Variants in PHLDB3 observed in about 807,000 individuals in gnomAD.
The protein encoded by PHLDB3 is pleckstrin homology like domain family B member 3, also known as pleckstrin homology-like domain family B member 3.
A neutral mutation model predicts 85.7 loss-of-function variants in PHLDB3; 86 were observed. That is an observed-to-expected ratio of 1.00 (90% CI 0.84 to 1.20). PHLDB3 has a LOEUF of 1.20. Ranked by LOEUF, PHLDB3 falls within the 50% of genes most tolerant of loss-of-function variation. The pLI, the probability that PHLDB3 is intolerant of heterozygous loss-of-function variation, is 0.00. For missense variants in PHLDB3, 995 were observed against 873.0 expected, an observed-to-expected ratio of 1.14 and a Z score of -1.76; for synonymous variants, 376 against 349.8, an observed-to-expected ratio of 1.07 and a Z score of -0.83.
intron 1 of PHLDB3, 53 bp from the exon 2 acceptor site, chr19:43,504,185 G>T: frequency 6.8e-7 from 1 of 1,466,490 alleles, no homozygotes; most frequent in Non-Finnish European, 9.1e-7. Flanking sequence ...GGACGGCTGA[G>T]CGCCGCTCGC....
intron 4 of PHLDB3, among the ~76,000 whole-genome samples, chr19:43,500,247 A>G (rs567998159): frequency 5.3e-5 from 8 of 152,220 alleles, no homozygotes; most frequent in African/African-American, 1.9e-4. Flanking sequence ...CTCGCAAAAA[A>G]AAAGAGACTA....
intron 13 of PHLDB3, 80 bp downstream of exon 13, chr19:43,486,186 G>A: frequency 6.8e-7 from 1 of 1,470,542 alleles, no homozygotes; most frequent in Non-Finnish European, 9.0e-7. Flanking sequence ...AGAGGAAAGG[G>A]TCAGATGTAA....
At position 43,476,339 on chromosome 19, in the gene PHLDB3, T is replaced by C. The variant is rs369694195; in HGVS notation, c.1789-795A>G. ...ATGGAATGGGTTGATGCGTACCCAT[T>C]CTACACGTGAGAAAACTCAGGCCGG... On this transcript the variant is annotated intron_variant, in intron 15 of 15. Transcript: ENST00000292140. Among the ~76,000 whole-genome samples, 20 of 152,190 alleles carry C rather than the reference T, an allele frequency of 1.3e-4. No homozygotes were observed. In the East Asian group the frequency reaches 3.5e-3, roughly 27 times the overall value.
chr19:43,499,086 G>A (rs1020938536), intron 4 of PHLDB3, among the ~76,000 whole-genome samples: 2 of 152,130 alleles, frequency 1.3e-5, no homozygotes, highest in Non-Finnish European at 2.9e-5. Flanking sequence ...GAGAGCAGCT[G>A]CCTCGGGAGT....
chr19:43,488,755 C>T (rs1971242652), intron 9 of PHLDB3, among the ~76,000 whole-genome samples: 1 of 151,812 alleles, frequency 6.6e-6, no homozygotes, highest in South Asian at 2.1e-4. Context: ...AAATGCCCAT[C>T]AGAAGGGGAC....
At chr19:43,484,860 ATTATTC>A (rs1971119696) in intron 13 of PHLDB3, among the ~76,000 whole-genome samples, 1 of 152,070 alleles carries the variant, frequency 6.6e-6, no homozygotes, top group Admixed American at 6.6e-5. Context: ...ATGCCCTAGA[ATTATTC>A]TTATAATTCT....
chr19:43,479,501 T>G lies in PHLDB3; in HGVS notation c.1578A>C (p.Pro526=), dbSNP rs1301052567. 5.3e-6 allele frequency: 7 copies of G among 1,321,178 alleles called. No individual in the cohort carries two copies. The highest frequency in any genetic ancestry group is 2.4e-5 in the Admixed American group (1 of 42,284). The allele number at this position is 1,321,178 out of a possible 1,614,324, so 81.8% of individuals were successfully genotyped here. The part of the protein sequence containing the change: ...EGWGHNPENC[P]HVQVSGCCCR... ...AGCAGCACCCAGACACCTGCACATGTGGGCAGTTTTCCGGGTTGTGGCCCC... is the reference window on the plus strand; with the variant it reads ...AGCAGCACCCAGACACCTGCACATGGGGGCAGTTTTCCGGGTTGTGGCCCC... The change falls in exon 14 of 16, where the codon CCA becomes CCC. Residue 526 remains proline (P), a synonymous_variant. Transcript: ENST00000292140.
rs769178235 is a variant in PHLDB3, at chr19:43,495,641, T to C, written c.826-21A>G. ...CCCCTCTGTCCCGGTTACTCATCTG[T>C]CACGGCCCCAGCCAGCTCTCCAGGC... On this transcript the variant is annotated intron_variant, in intron 6 of 15. Transcript: ENST00000292140. 1.9e-6 allele frequency: 3 copies of C among 1,598,954 alleles called. No homozygotes were observed. In the South Asian group the frequency reaches 3.4e-5, roughly 18 times the overall value.
Position 43,504,038 on chromosome 19 carries a change from G to A in PHLDB3, c.81C>T (p.Gly27=). Residue 27 remains glycine (G), a synonymous_variant, in exon 2 of 16, where the codon GGC becomes GGT. Transcript: ENST00000292140. ...PECDVEVQPQ[G]HPEESREQEA... is the part of the protein sequence containing the mutation. ...CCTGTTCCCGGGACTCCTCGGGATG[G>A]CCCTGGGGCTGGACCTCCACGTCGC... 3 of 1,613,832 alleles carry A rather than the reference G, an allele frequency of 1.9e-6. No individual in the cohort carries two copies. The South Asian group carries it at 3.3e-5, about 18-fold the overall frequency.
Position 43,502,093 on chromosome 19 carries a change from A to C in PHLDB3, c.396+8T>G. The C allele has an allele frequency of 6.4e-7, 1 of 1,565,256 alleles. No homozygotes were observed. On this transcript the variant is annotated splice_region_variant and intron_variant, in intron 3 of 15. Coordinates refer to ENST00000292140, the MANE Select transcript of PHLDB3 (RefSeq NM_198850.4). ...GGGCCAGGCTTCCCAAGGGGTCCGC[A>C]GCCTCACCTCGATCCTCAGCTCCTT... is the stretch of plus-strand genomic sequence containing the variant.
chr19:43,481,042 GT>G, intron 13 of PHLDB3, among the ~76,000 whole-genome samples: 1 of 152,276 alleles, frequency 6.6e-6, no homozygotes, highest in Non-Finnish European at 1.5e-5. Context: ...TGGGGATTTT[GT>G]TAAAATGTTA....
At chr19:43,487,948 G>C (rs542568556) in intron 9 of PHLDB3, among the ~76,000 whole-genome samples, 1 of 151,916 alleles carries the variant, frequency 6.6e-6, no homozygotes, top group Non-Finnish European at 1.5e-5. Flanking sequence ...GAGGTCAGGC[G>C]TTTGAGACCA....
At chr19:43,487,591 A>AAAAAAAAAAAAAAAAAAAAAAAAAAAACC (rs1167897767) in intron 9 of PHLDB3, among the ~76,000 whole-genome samples, 1 of 115,770 alleles carries the variant, frequency 8.6e-6, no homozygotes. Context: ...AAAAAAAAAA[A>AAAAAAAAAAAAAAAAAAAAAAAAAAAACC]ACACAGAAAA....
chr19:43,485,059 T>A (rs1971124081), intron 13 of PHLDB3, among the ~76,000 whole-genome samples: 1 of 151,786 alleles, frequency 6.6e-6, no homozygotes, highest in South Asian at 2.1e-4. Context: ...ACCTAGTACA[T>A]ACACAAATTA....
intron 2 of PHLDB3, among the ~76,000 whole-genome samples, chr19:43,503,553 C>T (rs1441545210): frequency 6.6e-6 from 1 of 152,106 alleles, no homozygotes; most frequent in Non-Finnish European, 1.5e-5. Flanking sequence ...AAGCAATCCT[C>T]CCCTCGGCCT....
rs764709583 is a variant in PHLDB3, at chr19:43,504,091, C to T, written c.28G>A (p.Gly10Arg). The T allele has an allele frequency of 8.1e-6, 13 of 1,608,930 alleles. No homozygotes were observed. The South Asian group carries it at 1.1e-4, about 14-fold the overall frequency. ...TCCGGGACCAGCGGCGGCGGGGTCCCCTCCTCGGGGCTGCTTCGCGTCCCC... is the reference window on the plus strand; with the variant it reads ...TCCGGGACCAGCGGCGGCGGGGTCCTCTCCTCGGGGCTGCTTCGCGTCCCC... MGTRSSPEE[G>R]TPPPLVPECD... Residue 10 changes from glycine to arginine, a missense_variant, in exon 2 of 16, where the codon GGG becomes AGG. Gly to Arg is a moderately radical substitution (Grantham distance 125). Coordinates refer to ENST00000292140, the MANE Select transcript of PHLDB3 (RefSeq NM_198850.4).
chr19:43,479,282 A>T (rs914927373), intron 14 of PHLDB3, 95 bp downstream of exon 14: 1 of 1,290,232 alleles, frequency 7.8e-7, no homozygotes, highest in South Asian at 1.3e-5. Context: ...GGGAACATGG[A>T]AAGTGGGGGC....
intron 2 of PHLDB3, among the ~76,000 whole-genome samples, chr19:43,503,648 A>G (rs1029463651): frequency 6.6e-6 from 1 of 151,380 alleles, no homozygotes; most frequent in African/African-American, 2.4e-5. Context: ...GTTTGGGTCT[A>G]TCTCCGTTCT....
At chr19:43,488,715 T>C (rs1599944750) in intron 9 of PHLDB3, among the ~76,000 whole-genome samples, 1 of 152,108 alleles carries the variant, frequency 6.6e-6, no homozygotes, top group African/African-American at 2.4e-5. Flanking sequence ...TGCAGTGCCA[T>C]CTGTGCTAGC....
Sources: gnomAD v4.1 joint callset for allele counts (sites outside exome capture counted in the v4.1 genomes callset) on GRCh38, gnomAD v4.1.1 for gene constraint, MANE v1.5 for transcripts, NCBI Gene and HGNC (gene_info 2026-07-23, HGNC 2026-07-21) for gene names.